Variants in SLC7A7 observed in about 807,000 individuals in gnomAD.
SLC7A7 encodes solute carrier family 7 member 7.
In SLC7A7, 39 loss-of-function variants were observed where a neutral mutation model predicts 47.9. The ratio of observed to expected loss-of-function variants is 0.81; its 90% CI spans 0.63 to 1.06. The LOEUF (loss-of-function observed/expected upper bound fraction) is 1.06. Among genes scored for constraint, SLC7A7 ranks in the 50% least tolerant of loss-of-function variants. SLC7A7 has a pLI of 0.00. For missense variants in SLC7A7, 588 were observed against 632.0 expected, an observed-to-expected ratio of 0.93 and a Z score of 0.75; for synonymous variants, 234 against 242.8, an observed-to-expected ratio of 0.96 and a Z score of 0.34.
chr14:22,816,383 A>C (rs1177550137), upstream of SLC7A7: 1 of 152,240 alleles, frequency 6.6e-6, no homozygotes, highest in East Asian at 1.9e-4. Flanking sequence ...CTGTAGTCCC[A>C]GCTATTCGGG....
chr14:22,778,465 A>C (rs1050921200), intron 4 of SLC7A7, among the ~76,000 whole-genome samples: 6 of 152,236 alleles, frequency 3.9e-5, no homozygotes, highest in African/African-American at 1.2e-4. Flanking sequence ...TGTGGGGATA[A>C]GGGTGGATAA....
Position 22,774,110 on chromosome 14 carries a change from C to T in SLC7A7, c.1252G>A (p.Val418Ile), listed in dbSNP as rs1566439001. The change falls in exon 9 of 10, where the codon GTT (valine) becomes ATT (isoleucine). Residue 418 changes from valine to isoleucine, a missense_variant. Transcript: ENST00000674313. ...AGGCAGAAGACAATCGGGAAGAAAA[C>T]GCTGAGCTAAGGGCACAGGAAACAT... The part of the protein sequence containing the change: ...PDRPRPLKLS[V>I]FFPIVFCLCT... The T allele has an allele frequency of 1.9e-6, 3 of 1,614,118 alleles. No individual in the cohort carries two copies. Among genetic ancestry groups the T allele is most frequent in the Admixed American group, 1.7e-5 (1 of 60,006 alleles).
chr14:22,815,122 A>T (rs2039385593), intron 1 of SLC7A7, 198 bp downstream of exon 1: 4 of 350,142 alleles, frequency 1.1e-5, no homozygotes, highest in Non-Finnish European at 2.3e-5. Context: ...GCAGGGAGAC[A>T]GCTGCAGCCA....
intron 2 of SLC7A7, among the ~76,000 whole-genome samples, chr14:22,781,577 A>C (rs1046501745): frequency 6.6e-6 from 1 of 152,200 alleles, no homozygotes; most frequent in Non-Finnish European, 1.5e-5. Context: ...TTAATAATTT[A>C]AGACACAAGT....
At chr14:22,819,190 G>A (rs1212394754), upstream of SLC7A7, among the ~76,000 whole-genome samples, 1 of 151,976 alleles carries the variant, frequency 6.6e-6, no homozygotes, top group African/African-American at 2.4e-5. Flanking sequence ...GCCAAGCTCA[G>A]GGAACTACTA....
chr14:22,779,750 G>A (rs938309184), intron 3 of SLC7A7, among the ~76,000 whole-genome samples, 176 bp downstream of exon 3: 14 of 151,820 alleles, frequency 9.2e-5, no homozygotes, highest in East Asian at 5.8e-4. Flanking sequence ...CACTGCGCCC[G>A]GCCCAAGGTA....
chr14:22,816,015 C>T (rs568525024), upstream of SLC7A7: 2 of 233,574 alleles, frequency 8.6e-6, no homozygotes, highest in East Asian at 1.9e-4. Context: ...GCCACTGCCC[C>T]AAAGTCTGAG....
chr14:22,788,405 T>C (rs1384814382), intron 2 of SLC7A7, among the ~76,000 whole-genome samples: 2 of 152,134 alleles, frequency 1.3e-5, no homozygotes, highest in Non-Finnish European at 2.9e-5. Context: ...CCAGCAACAG[T>C]AGATTGAATA....
At chr14:22,790,538 C>G (rs2139417793) in intron 2 of SLC7A7, among the ~76,000 whole-genome samples, 1 of 152,170 alleles carries the variant, frequency 6.6e-6, no homozygotes, top group Non-Finnish European at 1.5e-5. Flanking sequence ...GCAGGCATCC[C>G]TTATGATAGC....
intron 3 of SLC7A7, 82 bp downstream of exon 3, chr14:22,779,844 T>A (rs1008196022): frequency 2.5e-5 from 31 of 1,255,318 alleles, no homozygotes; most frequent in Non-Finnish European, 3.1e-5. Flanking sequence ...AGAAATGAGA[T>A]AATGCACAAA....
chr14:22,804,380 G>A (rs1477656411), intron 2 of SLC7A7, among the ~76,000 whole-genome samples: 1 of 152,088 alleles, frequency 6.6e-6, no homozygotes, highest in Non-Finnish European at 1.5e-5. Context: ...TTAAACTAAA[G>A]AGCTTCTGCA....
chr14:22,788,685 C>G (rs1471643440), intron 2 of SLC7A7, among the ~76,000 whole-genome samples: 1 of 142,868 alleles, frequency 7.0e-6, no homozygotes, highest in Non-Finnish European at 1.5e-5. Context: ...GCCCGGGCGA[C>G]AGAGTGAGAC....
chr14:22,813,917 A>G (rs2039366793), intron 1 of SLC7A7, among the ~76,000 whole-genome samples: 1 of 151,160 alleles, frequency 6.6e-6, no homozygotes, highest in Non-Finnish European at 1.5e-5. Flanking sequence ...CAGCCTCCCA[A>G]GTAGCTGGGA....
upstream of SLC7A7, among the ~76,000 whole-genome samples, chr14:22,818,585 T>TTTTTTTTTTTTTTGGTTTTTGGG (rs2039437149): frequency 1.5e-5 from 2 of 137,698 alleles, no homozygotes; most frequent in Non-Finnish European, 3.0e-5. Context: ...GGTTTTTGGT[T>TTTTTTTTTTTTTTGGTTTTTGGG]TTTTTTTTTT....
At chr14:22,783,701 GC>G (rs781499975) in intron 2 of SLC7A7, among the ~76,000 whole-genome samples, 9 of 151,770 alleles carry the variant, frequency 5.9e-5, no homozygotes, top group Non-Finnish European at 1.3e-4. Context: ...GGCGTGGCGT[GC>G]CCAGTCTCTT....
upstream of SLC7A7, chr14:22,817,291 G>A: frequency 3.9e-6 from 1 of 259,676 alleles, no homozygotes. Context: ...GATTACACCT[G>A]GCTAATTTTT....
intron 2 of SLC7A7, among the ~76,000 whole-genome samples, chr14:22,783,348 G>A (rs1174248043): frequency 1.3e-5 from 2 of 151,796 alleles, no homozygotes; most frequent in Non-Finnish European, 2.9e-5. Context: ...TTATAGGGAA[G>A]AGCCATGGCA....
chr14:22,781,227 C>G (rs773877332), intron 2 of SLC7A7, among the ~76,000 whole-genome samples: 3 of 152,190 alleles, frequency 2.0e-5, no homozygotes, highest in Non-Finnish European at 4.4e-5. Flanking sequence ...AGGCCACCAA[C>G]ACAGTCAGAA....
chr14:22,794,721 A>C (rs1317192699), intron 2 of SLC7A7, among the ~76,000 whole-genome samples: 3 of 152,168 alleles, frequency 2.0e-5, no homozygotes, highest in African/African-American at 4.8e-5. Context: ...GAACAGTCGC[A>C]ACCCTTTGCT....
Sources: allele counts gnomAD v4.1 joint callset (sites outside exome capture counted in the v4.1 genomes callset), GRCh38; gene constraint gnomAD v4.1.1; transcripts MANE v1.5; gene names NCBI Gene and HGNC (gene_info 2026-07-23, HGNC 2026-07-21).